The following CASC3 variants were observed in gnomAD, a reference collection of about 807,000 sequenced individuals.
CASC3 encodes the protein CASC3 exon junction complex subunit, also known as protein CASC3.
In CASC3, 30 loss-of-function variants were observed where a neutral mutation model predicts 80.5. That is an observed-to-expected ratio of 0.37 (90% CI 0.28 to 0.51). The LOEUF is 0.51. CASC3 is among the 20% of genes least tolerant of loss of function. The pLI, the probability that CASC3 is intolerant of heterozygous loss-of-function variation, is 0.94. For synonymous variants in CASC3, 312 were observed against 333.6 expected, an observed-to-expected ratio of 0.94 and a Z score of 0.70; for missense variants, 824 against 922.2, an observed-to-expected ratio of 0.89 and a Z score of 1.38.
intron 3 of CASC3, among the ~76,000 whole-genome samples, chr17:40,158,823 A>G (rs1020831845): frequency 6.6e-6 from 1 of 152,154 alleles, no homozygotes; most frequent in Non-Finnish European, 1.5e-5. Flanking sequence ...GATTCTGGAT[A>G]TGTTCTGGCT....
chr17:40,147,780 C>T (rs867303204), intron 3 of CASC3, among the ~76,000 whole-genome samples: 2 of 152,126 alleles, frequency 1.3e-5, no homozygotes, highest in South Asian at 2.1e-4. Context: ...GTTTTGAGAT[C>T]GAGAAGGTGT....
At chr17:40,165,144 C>T (rs1267134888) in intron 7 of CASC3, among the ~76,000 whole-genome samples, 4 of 151,334 alleles carry the variant, frequency 2.6e-5, no homozygotes, top group South Asian at 4.2e-4. Flanking sequence ...AGGATGGTCT[C>T]GATCTCCTGA....
rs375808158 is a variant in CASC3, at chr17:40,171,944, T to C, written c.*1539T>C. 1.7e-3 allele frequency: 2,161 copies of C among 1,279,762 alleles called. 22 individuals are homozygous for C. Among genetic ancestry groups the C allele is most frequent in the South Asian group, 0.015 (1,231 of 79,848 alleles). The allele number at this position is 1,279,762 out of a possible 1,614,324, so 79.3% of individuals were successfully genotyped here. On this transcript the variant is annotated 3_prime_UTR_variant, in exon 14 of 14. Coordinates refer to ENST00000264645, the MANE Select transcript of CASC3 (RefSeq NM_007359.5). ...GGGTAGCTGGTGGTTGTGCCTTTTG[T>C]AGGCTGTTCCCTTTGCCTTAAACCT...
At chr17:40,145,523 T>G (rs1196093997) in intron 3 of CASC3, among the ~76,000 whole-genome samples, 1 of 151,846 alleles carries the variant, frequency 6.6e-6, no homozygotes, top group Non-Finnish European at 1.5e-5. Context: ...TAGAGAGCGT[T>G]TGGGAACTTG....
intron 3 of CASC3, among the ~76,000 whole-genome samples, chr17:40,156,279 A>G (rs1989143245): frequency 6.6e-6 from 1 of 152,198 alleles, no homozygotes; most frequent in Non-Finnish European, 1.5e-5. Flanking sequence ...CTCAGTTGTT[A>G]AAAAGCTATA....
chr17:40,147,855 G>GT (rs1460727903), intron 3 of CASC3, among the ~76,000 whole-genome samples: 1 of 152,108 alleles, frequency 6.6e-6, no homozygotes, highest in Admixed American at 6.6e-5. Flanking sequence ...ACCTTTCTGA[G>GT]TTCTCATTTC....
At chr17:40,169,782 G>A (rs989062656) in intron 13 of CASC3, 120 bp downstream of exon 13, 17 of 507,274 alleles carry the variant, frequency 3.4e-5, no homozygotes, top group South Asian at 7.6e-5. Flanking sequence ...TTGAGACGGC[G>A]TCTCAGTCTG....
At chr17:40,162,636 C>T in intron 5 of CASC3, 89 bp from the exon 6 acceptor site, 1 of 1,213,438 alleles carries the variant, frequency 8.2e-7, no homozygotes. Context: ...TTCCTATTGT[C>T]CCCCTGCCTC....
chr17:40,163,076 GA>G (rs571157538), intron 6 of CASC3, among the ~76,000 whole-genome samples, 175 bp downstream of exon 6: 2,384 of 147,424 alleles, frequency 0.016, 33 homozygotes, highest in Non-Finnish European at 0.025. Context: ...AGAAAAAAAG[GA>G]AAAAAAAAAT....
intron 3 of CASC3, among the ~76,000 whole-genome samples, chr17:40,153,980 A>AT (rs1376293105): frequency 2.0e-5 from 3 of 152,046 alleles, no homozygotes; most frequent in Non-Finnish European, 4.4e-5. Flanking sequence ...TGGCTGAGGC[A>AT]TAAGAATCAC....
chr17:40,157,359 A>T (rs551219276), intron 3 of CASC3, among the ~76,000 whole-genome samples: 212 of 148,226 alleles, frequency 1.4e-3, no homozygotes, highest in Middle Eastern at 3.5e-3. Context: ...ATAAATAAAT[A>T]AATAAATAAA....
At chr17:40,160,147 G>A (rs1989256812) in intron 3 of CASC3, among the ~76,000 whole-genome samples, 1 of 152,112 alleles carries the variant, frequency 6.6e-6, no homozygotes, top group Non-Finnish European at 1.5e-5. Context: ...TTTTGAGATG[G>A]GAGAGTTCAC....
At chr17:40,169,021 C>G (rs1989524433) in intron 11 of CASC3, 1 of 292,360 alleles carries the variant, frequency 3.4e-6, no homozygotes, top group African/African-American at 2.2e-5. Context: ...TGCTTAACTT[C>G]CACCACGTTG....
intron 3 of CASC3, among the ~76,000 whole-genome samples, chr17:40,151,397 A>G (rs1473682758): frequency 6.6e-6 from 1 of 152,046 alleles, no homozygotes; most frequent in Non-Finnish European, 1.5e-5. Flanking sequence ...TTTTTAGTAG[A>G]GATGGAATTT....
At chr17:40,168,743 C>A in intron 11 of CASC3, 1 of 311,402 alleles carries the variant, frequency 3.2e-6, no homozygotes, top group South Asian at 2.9e-5. Context: ...GTGCCTGCCA[C>A]CATGCCCGGC....
Position 40,169,399 on chromosome 17 carries a change from C to T in CASC3, c.2041C>T (p.Pro681Ser). The change falls in exon 12 of 14, where the codon CCC (proline) becomes TCC (serine). Residue 681 changes from proline to serine, a missense_variant. Coordinates refer to ENST00000264645, the MANE Select transcript of CASC3 (RefSeq NM_007359.5). ...QQQVQPKPSPPRRTPQPVTIK... is the reference protein window; with the variant it reads ...QQQVQPKPSPSRRTPQPVTIK... Reference sequence around the variant, plus strand: ...GCAGGTGCAGCCAAAGCCCTCCCCACCCCGGAGGACTCCCCAGCCAGTCAC... The same window carrying T: ...GCAGGTGCAGCCAAAGCCCTCCCCATCCCGGAGGACTCCCCAGCCAGTCAC... 1.2e-6 allele frequency: 2 copies of T among 1,612,334 alleles called. No individual in the cohort carries two copies. Among genetic ancestry groups the T allele is most frequent in the Non-Finnish European group, 1.7e-6 (2 of 1,179,232 alleles).
intron 3 of CASC3, among the ~76,000 whole-genome samples, chr17:40,143,103 ATAAAT>A (rs1267662344): frequency 6.6e-6 from 1 of 151,212 alleles, no homozygotes; most frequent in East Asian, 1.9e-4. Context: ...AAAAAAATAA[ATAAAT>A]AAAAGAAAGG....
chr17:40,155,124 C>T (rs1344589599), intron 3 of CASC3, among the ~76,000 whole-genome samples: 5 of 151,978 alleles, frequency 3.3e-5, no homozygotes, highest in Admixed American at 1.3e-4. Flanking sequence ...CTCCTGACCT[C>T]GTGATCTACC....
intron 3 of CASC3, among the ~76,000 whole-genome samples, chr17:40,147,728 G>A (rs1270080068): frequency 1.3e-5 from 2 of 152,188 alleles, no homozygotes; most frequent in African/African-American, 4.8e-5. Flanking sequence ...GGGACCCCAG[G>A]AGAAGAGTTC....
Sources: allele counts gnomAD v4.1 joint callset (sites outside exome capture counted in the v4.1 genomes callset), GRCh38; gene constraint gnomAD v4.1.1; transcripts MANE v1.5; gene names NCBI Gene and HGNC (gene_info 2026-07-23, HGNC 2026-07-21).